SEMA3C: variants seen among roughly 807,000 people sequenced by gnomAD.
SEMA3C encodes semaphorin 3C.
Under a neutral mutation model 89.4 loss-of-function variants are expected in SEMA3C, and 47 were observed. The observed-to-expected ratio is 0.53, with a 90% CI of 0.42 to 0.67. The LOEUF (loss-of-function observed/expected upper bound fraction) is 0.67, where lower values mean the gene tolerates loss of function less well. Among genes scored for constraint, SEMA3C ranks in the 30% least tolerant of loss-of-function variants. SEMA3C has a pLI of 0.00. For synonymous variants in SEMA3C, 310 were observed against 320.2 expected, an observed-to-expected ratio of 0.97 and a Z score of 0.34; for missense variants, 839 against 929.1, an observed-to-expected ratio of 0.90 and a Z score of 1.26.
In SEMA3C at chr7:80,742,868, G is replaced by A. The variant is rs1787713125; in HGVS notation, c.*2026C>T. On this transcript the variant is annotated 3_prime_UTR_variant, in exon 18 of 18. Transcript: ENST00000265361. ...TTACATTCAGCAGAGTTATGTTCAT[G>A]AAGAATTTCTACATTTTTAAAAGTA... is the stretch of plus-strand genomic sequence containing the variant. 6.6e-6 allele frequency: 1 copy of A among 151,886 alleles called. No homozygotes were observed. Among genetic ancestry groups the A allele is most frequent in the South Asian group, 2.1e-4 (1 of 4,824 alleles). 9.4% of individuals were successfully genotyped at this position (151,886 alleles called of 1,614,324 possible).
At chr7:80,776,864 G>A (rs1367663905) in intron 12 of SEMA3C, among the ~76,000 whole-genome samples, 1 of 151,704 alleles carries the variant, frequency 6.6e-6, no homozygotes, top group Non-Finnish European at 1.5e-5. Flanking sequence ...TGCTTTTTTT[G>A]GTTTTGTTCA....
intron 2 of SEMA3C, among the ~76,000 whole-genome samples, chr7:80,837,983 T>C (rs1457849419): frequency 6.6e-6 from 1 of 152,208 alleles, no homozygotes; most frequent in Non-Finnish European, 1.5e-5. Flanking sequence ...TCTTTGTTCA[T>C]TCACATTCTA....
chr7:80,836,654 A>G (rs924668120), intron 2 of SEMA3C, among the ~76,000 whole-genome samples: 1 of 152,008 alleles, frequency 6.6e-6, no homozygotes, highest in Non-Finnish European at 1.5e-5. Context: ...TTCCAAGCTG[A>G]GCAACAGAGG....
chr7:80,777,384 C>T (rs1226571710), intron 12 of SEMA3C, among the ~76,000 whole-genome samples: 3 of 152,094 alleles, frequency 2.0e-5, no homozygotes, highest in East Asian at 1.9e-4. Flanking sequence ...CTCTACCTCC[C>T]GGGTTCAAGC....
intron 17 of SEMA3C, among the ~76,000 whole-genome samples, chr7:80,748,087 G>A (rs1278321597): frequency 1.3e-5 from 2 of 152,044 alleles, no homozygotes; most frequent in Non-Finnish European, 2.9e-5. Flanking sequence ...AAATGCGGAA[G>A]GCTCCACTTC....
chr7:80,818,187 G>T, intron 5 of SEMA3C, 112 bp downstream of exon 5: 1 of 992,920 alleles, frequency 1.0e-6, no homozygotes, highest in Non-Finnish European at 1.4e-6. Flanking sequence ...TATTTAAAGG[G>T]CATGAAAATA....
intron 12 of SEMA3C, among the ~76,000 whole-genome samples, chr7:80,776,012 A>T (rs116468604): frequency 0.015 from 2,243 of 152,190 alleles, 60 homozygotes; most frequent in African/African-American, 0.051. Flanking sequence ...AAAATGATGG[A>T]GTATACATCC....
intron 2 of SEMA3C, among the ~76,000 whole-genome samples, chr7:80,909,097 TGAGA>T (rs920743817): frequency 1.5e-4 from 23 of 152,154 alleles, no homozygotes; most frequent in African/African-American, 5.1e-4. Context: ...TGTGTGTGTG[TGAGA>T]GAGTTCTGCA....
chr7:80,843,830 A>G (rs1360310174), intron 2 of SEMA3C, among the ~76,000 whole-genome samples: 1 of 152,192 alleles, frequency 6.6e-6, no homozygotes, highest in Non-Finnish European at 1.5e-5. Flanking sequence ...AATTTTTATT[A>G]CAACACAAAA....
intron 2 of SEMA3C, among the ~76,000 whole-genome samples, chr7:80,883,965 C>G (rs182123398): frequency 3.9e-5 from 6 of 152,140 alleles, no homozygotes; most frequent in Non-Finnish European, 8.8e-5. Flanking sequence ...TCCAAGAGGT[C>G]GTTTCCTAAC....
intron 13 of SEMA3C, 131 bp downstream of exon 13, chr7:80,765,024 C>T (rs1449418428): frequency 2.6e-5 from 15 of 575,346 alleles, no homozygotes; most frequent in Non-Finnish European, 3.9e-5. Context: ...TGGTGTTTTC[C>T]TACCCTCAAA....
At chr7:80,833,005 T>C (rs1389593158) in intron 2 of SEMA3C, among the ~76,000 whole-genome samples, 1 of 152,186 alleles carries the variant, frequency 6.6e-6, no homozygotes, top group Non-Finnish European at 1.5e-5. Flanking sequence ...TTTTTTCTTT[T>C]CCCTTTCTTT....
chr7:80,776,090 G>T (rs1447041331), intron 12 of SEMA3C, among the ~76,000 whole-genome samples: 2 of 152,016 alleles, frequency 1.3e-5, no homozygotes, highest in Non-Finnish European at 2.9e-5. Context: ...CCCAAAAGCA[G>T]TTATGTTAGA....
chr7:80,908,284 G>A (rs1216389250), intron 2 of SEMA3C, among the ~76,000 whole-genome samples: 2 of 152,112 alleles, frequency 1.3e-5, no homozygotes, highest in African/African-American at 4.8e-5. Context: ...AAAATCTTCA[G>A]ACCCGTTGTG....
chr7:80,885,347 T>G (rs1376602809), intron 2 of SEMA3C, among the ~76,000 whole-genome samples: 4 of 152,202 alleles, frequency 2.6e-5, no homozygotes, highest in Admixed American at 2.6e-4. Context: ...CTGGGCTTGG[T>G]GGCTTACACC....
chr7:80,849,770 G>T (rs968326233), intron 2 of SEMA3C, among the ~76,000 whole-genome samples: 1 of 151,982 alleles, frequency 6.6e-6, no homozygotes. Flanking sequence ...GGGCAAAGAA[G>T]TACAAATCAT....
chr7:80,772,331 T>C (rs1160468688), intron 12 of SEMA3C, among the ~76,000 whole-genome samples: 1 of 152,248 alleles, frequency 6.6e-6, no homozygotes, highest in African/African-American at 2.4e-5. Context: ...AAAATCTTTA[T>C]TAGTTCACTG....
intron 2 of SEMA3C, among the ~76,000 whole-genome samples, chr7:80,885,431 A>G (rs1176498680): frequency 6.6e-6 from 1 of 152,020 alleles, no homozygotes; most frequent in Non-Finnish European, 1.5e-5. Context: ...TGCCTAACCA[A>G]CATGACAAAC....
intron 5 of SEMA3C, among the ~76,000 whole-genome samples, chr7:80,812,020 T>C (rs547937244): frequency 2.0e-5 from 3 of 152,308 alleles, no homozygotes; most frequent in African/African-American, 7.2e-5. Flanking sequence ...TCCAAACTAC[T>C]GTTTTGTAAA....
Sources: allele counts gnomAD v4.1 joint callset (sites outside exome capture counted in the v4.1 genomes callset), GRCh38; gene constraint gnomAD v4.1.1; transcripts MANE v1.5; gene names NCBI Gene and HGNC (gene_info 2026-07-23, HGNC 2026-07-21).